The following TBC1D2B variants were observed in gnomAD, a reference collection of about 807,000 sequenced individuals.
TBC1D2B encodes TBC1 domain family, member 2B.
Under a neutral mutation model 100.8 loss-of-function variants are expected in TBC1D2B, and 64 were observed. The ratio of observed to expected loss-of-function variants is 0.64; its 90% confidence interval spans 0.52 to 0.78. The LOEUF (loss-of-function observed/expected upper bound fraction) is 0.78. Ranked by LOEUF, TBC1D2B falls within the 30% of genes least tolerant of loss-of-function variation. The pLI, the probability that TBC1D2B is intolerant of heterozygous loss-of-function variation, is 0.00. For missense variants in TBC1D2B, 1,052 were observed against 1,218.4 expected (o/e 0.86, Z 2.03); for synonymous variants, 480 against 479.7 (o/e 1.00, Z -0.01).
intron 12 of TBC1D2B, chr15:77,999,466 G>C: frequency 3.2e-6 from 1 of 312,610 alleles, no homozygotes; most frequent in South Asian, 2.5e-5. Flanking sequence ...ATTCCCCAGT[G>C]TGTGTTCTGG....
At chr15:78,060,432 G>A (rs1247366193) in intron 1 of TBC1D2B, among the ~76,000 whole-genome samples, 1 of 150,526 alleles carries the variant, frequency 6.6e-6, no homozygotes, top group African/African-American at 2.4e-5. Flanking sequence ...GGGCTCAGGA[G>A]TTTGAGACCA....
intron 2 of TBC1D2B, among the ~76,000 whole-genome samples, chr15:78,046,049 A>C (rs1484502910): frequency 1.3e-5 from 2 of 152,022 alleles, no homozygotes; most frequent in African/African-American, 4.8e-5. Flanking sequence ...CTTCTGCCTC[A>C]GCCTCCCAAG....
intron 12 of TBC1D2B, 143 bp downstream of exon 12, chr15:78,001,476 T>G (rs1425016286): frequency 7.6e-6 from 8 of 1,057,212 alleles, no homozygotes; most frequent in Non-Finnish European, 1.0e-5. Context: ...CTTGCTCTCT[T>G]TTCCCTGGAA....
At chr15:78,009,745 C>T (rs1193063286) in intron 9 of TBC1D2B, among the ~76,000 whole-genome samples, 4 of 152,080 alleles carry the variant, frequency 2.6e-5, no homozygotes, top group East Asian at 1.9e-4. Flanking sequence ...GAGGCCGAGG[C>T]GGGCAGATCA....
At position 78,020,291 on chromosome 15, in the gene TBC1D2B, A is replaced by G. The variant is rs2072484011; in HGVS notation, c.1471-2334T>C. On this transcript the variant is annotated intron_variant, in intron 6 of 12. Coordinates refer to ENST00000300584, the MANE Select transcript of TBC1D2B (RefSeq NM_144572.2). ...AAGAAAGCACTCAACAGTGATGGAT[A>G]GAGACTGAGTGATACAAGGTGGGGT... Among the ~76,000 whole-genome samples the G allele has an allele frequency of 4.6e-5, 7 of 152,360 alleles. 1 individual carries two copies. In the South Asian group the frequency reaches 1.4e-3, roughly 32 times the overall value.
chr15:78,030,150 C>T lies in TBC1D2B; in HGVS notation c.704G>A (p.Arg235His), dbSNP rs778007933. 5.6e-6 allele frequency: 9 copies of T among 1,607,210 alleles called. No individual in the cohort carries two copies. Among genetic ancestry groups the T allele is most frequent in the African/African-American group, 2.7e-5 (2 of 74,568 alleles). ...NELKNSMSSF[R>H]PGRGHNDSRR... is the part of the protein sequence containing the mutation. ...ACTATCATTATGTCCTCTCCCAGGA[C>T]GGAAAGAAGACATCGAATTCCTGTT... Residue 235 changes from arginine (R) to histidine (H), a missense_variant, in exon 4 of 13, where the codon CGT (arginine) becomes CAT (histidine). Transcript: ENST00000300584.
At chr15:78,069,467 T>A (rs1297274192) in intron 1 of TBC1D2B, among the ~76,000 whole-genome samples, 1 of 152,234 alleles carries the variant, frequency 6.6e-6, no homozygotes, top group Non-Finnish European at 1.5e-5. Flanking sequence ...TATAAATACA[T>A]CAACCCTTTG....
rs1395243788 is a variant in TBC1D2B, at chr15:77,997,602, G to A, written c.*558C>T. ...GCTGGCAGCTTAAAGCCACTGGTGG[G>A]AGGTTCACAGGCTTTCCTACAGTGG... On this transcript the variant is annotated 3_prime_UTR_variant, in exon 13 of 13. Coordinates refer to ENST00000300584, the MANE Select transcript of TBC1D2B (RefSeq NM_144572.2). 6.6e-6 allele frequency: 1 copy of A among 152,316 alleles called. No homozygotes were observed. Among genetic ancestry groups the A allele is most frequent in the Non-Finnish European group, 1.5e-5 (1 of 68,088 alleles). The allele number at this position is 152,316 out of a possible 1,614,324, so 9.4% of individuals were successfully genotyped here.
intron 11 of TBC1D2B, 146 bp from the exon 12 acceptor site, chr15:78,001,886 G>A (rs2071924831): frequency 3.4e-6 from 3 of 881,016 alleles, no homozygotes; most frequent in African/African-American, 1.7e-5. Context: ...ATTGACCTGA[G>A]GGGCAATTTT....
At chr15:78,016,849 C>G (rs2072390223) in intron 7 of TBC1D2B, 110 bp from the exon 8 acceptor site, 4 of 827,194 alleles carry the variant, frequency 4.8e-6, no homozygotes. Context: ...AGGAAGTGAG[C>G]CAGAGACAGA....
intron 1 of TBC1D2B, among the ~76,000 whole-genome samples, chr15:78,075,878 G>A (rs967225447): frequency 1.3e-5 from 2 of 151,264 alleles, no homozygotes; most frequent in African/African-American, 4.9e-5. Context: ...GCAGCTCTGG[G>A]GGTCTGAGGA....
At chr15:78,019,545 C>T (rs1243168731) in intron 6 of TBC1D2B, among the ~76,000 whole-genome samples, 1 of 151,938 alleles carries the variant, frequency 6.6e-6, no homozygotes, top group African/African-American at 2.4e-5. Context: ...TTCCTTTTCT[C>T]ACCTGAATCT....
At chr15:78,027,236 G>A (rs1335761536) in intron 4 of TBC1D2B, among the ~76,000 whole-genome samples, 1 of 152,152 alleles carries the variant, frequency 6.6e-6, no homozygotes, top group Non-Finnish European at 1.5e-5. Flanking sequence ...CTGGGGCGGG[G>A]TAGTGACTGG....
intron 1 of TBC1D2B, among the ~76,000 whole-genome samples, chr15:78,071,835 C>T (rs1168914997): frequency 6.6e-6 from 1 of 152,198 alleles, no homozygotes; most frequent in Non-Finnish European, 1.5e-5. Flanking sequence ...ATAACAAAAA[C>T]ACCACAGACT....
At chr15:78,014,217 A>G (rs771011266) in intron 8 of TBC1D2B, among the ~76,000 whole-genome samples, 6 of 152,188 alleles carry the variant, frequency 3.9e-5, no homozygotes, top group Admixed American at 2.0e-4. Context: ...AATGAGACCC[A>G]TGTTGGGCTA....
intron 3 of TBC1D2B, among the ~76,000 whole-genome samples, chr15:78,036,303 C>G (rs144970300): frequency 6.6e-6 from 1 of 152,138 alleles, no homozygotes; most frequent in African/African-American, 2.4e-5. Context: ...AGAAGGCAGG[C>G]CAAATGGGGA....
intron 2 of TBC1D2B, among the ~76,000 whole-genome samples, chr15:78,049,830 A>G (rs2073273973): frequency 6.6e-6 from 1 of 151,786 alleles, no homozygotes; most frequent in Non-Finnish European, 1.5e-5. Flanking sequence ...ACATTCTTTC[A>G]CAACCTGACT....
chr15:78,050,721 G>C (rs1406962614), intron 2 of TBC1D2B, among the ~76,000 whole-genome samples: 1 of 152,112 alleles, frequency 6.6e-6, no homozygotes, highest in Non-Finnish European at 1.5e-5. Context: ...CAAAATAGAG[G>C]GCAGACAGAA....
chr15:78,033,756 G>A (rs1215035769), intron 3 of TBC1D2B, among the ~76,000 whole-genome samples: 1 of 152,146 alleles, frequency 6.6e-6, no homozygotes, highest in Non-Finnish European at 1.5e-5. Context: ...AAAGGAAAGG[G>A]GGGAAAAGGT....
Sources: gnomAD v4.1 joint callset for allele counts (sites outside exome capture counted in the v4.1 genomes callset) on GRCh38, gnomAD v4.1.1 for gene constraint, MANE v1.5 for transcripts, NCBI Gene and HGNC (gene_info 2026-07-23, HGNC 2026-07-21) for gene names.